Variants in KCNJ6 observed in about 807,000 individuals in gnomAD.
KCNJ6 encodes potassium inwardly rectifying channel subfamily J member 6, also known as G protein-activated inward rectifier potassium channel 2.
KCNJ6 carries 9 observed loss-of-function variants against 34.2 expected under a neutral mutation model. That is an observed-to-expected ratio of 0.26 (90% CI 0.16 to 0.46). The LOEUF (loss-of-function observed/expected upper bound fraction) is 0.46. KCNJ6 is among the 20% of genes least tolerant of loss of function. The pLI, the probability that KCNJ6 is intolerant of heterozygous loss-of-function variation, is 1.00. For missense variants in KCNJ6, 236 were observed against 531.3 expected (o/e 0.44, Z 5.46); for synonymous variants, 196 against 207.1 (o/e 0.95, Z 0.46).
In KCNJ6 at chr21:37,859,516, T is replaced by A. The variant is rs1439745392; in HGVS notation, c.-27-18807A>T. 9.1e-5 allele frequency among the ~76,000 whole-genome samples: 5 copies of A among 55,246 alleles called. 1 individual carries two copies. Among genetic ancestry groups the A allele is most frequent in the African/African-American group, 3.0e-4 (5 of 16,608 alleles). The allele number at this position is 55,246 out of a possible 152,430, so 36.2% of individuals were successfully genotyped here. ...ATATATATATATATATATATATATATATATATATATATATAAAATACTTAA... is the reference window on the plus strand; with the variant it reads ...ATATATATATATATATATATATATAAATATATATATATATAAAATACTTAA... On this transcript the variant is annotated intron_variant, in intron 1 of 3. Coordinates refer to ENST00000609713, the MANE Select transcript of KCNJ6 (RefSeq NM_002240.5).
chr21:37,684,841 G>A (rs1569444996), intron 3 of KCNJ6, among the ~76,000 whole-genome samples: 1 of 152,162 alleles, frequency 6.6e-6, no homozygotes, highest in Non-Finnish European at 1.5e-5. Context: ...AGAAAACAAG[G>A]GAGAATGACT....
intron 2 of KCNJ6, among the ~76,000 whole-genome samples, chr21:37,762,397 CTCG>C (rs2055069990): frequency 6.6e-6 from 1 of 152,088 alleles, no homozygotes; most frequent in South Asian, 2.1e-4. Flanking sequence ...AGGCTTCCTG[CTCG>C]TCATTAGAAA....
chr21:37,729,339 G>C (rs377106808), intron 2 of KCNJ6, among the ~76,000 whole-genome samples: 26 of 151,878 alleles, frequency 1.7e-4, no homozygotes, highest in South Asian at 8.3e-4. Flanking sequence ...CTTTTTGGGG[G>C]GGGGGGCAGG....
chr21:37,897,016 A>C (rs765085778), intron 1 of KCNJ6, among the ~76,000 whole-genome samples: 1 of 152,208 alleles, frequency 6.6e-6, no homozygotes, highest in Non-Finnish European at 1.5e-5. Context: ...CAGAGCCAGG[A>C]GGGCAGCTGG....
At chr21:37,761,887 C>A (rs2055067220) in intron 2 of KCNJ6, among the ~76,000 whole-genome samples, 1 of 152,122 alleles carries the variant, frequency 6.6e-6, no homozygotes, top group African/African-American at 2.4e-5. Flanking sequence ...ACCTGCAACC[C>A]ATGCTCACTG....
chr21:37,699,327 A>G (rs1465656056), intron 3 of KCNJ6, among the ~76,000 whole-genome samples: 1 of 152,080 alleles, frequency 6.6e-6, no homozygotes, highest in Admixed American at 6.5e-5. Flanking sequence ...TTGAGTTTTT[A>G]CCTTTCAAAA....
Position 37,809,743 on chromosome 21 carries a change from G to A in KCNJ6, c.25+30915C>T, listed in dbSNP as rs187593216. Among the ~76,000 whole-genome samples, 129 of 152,254 alleles carry A rather than the reference G, an allele frequency of 8.5e-4. 1 individual carries two copies. Among genetic ancestry groups the A allele is most frequent in the Non-Finnish European group, 1.5e-3 (99 of 68,020 alleles). ...TACTGGTATCTCAGCCTCCCTTGTA[G>A]TAGGTAGACATGAGCATGGTATGTG... On this transcript the variant is annotated intron_variant, in intron 2 of 3. Coordinates refer to ENST00000609713, the MANE Select transcript of KCNJ6 (RefSeq NM_002240.5).
intron 3 of KCNJ6, among the ~76,000 whole-genome samples, chr21:37,625,775 A>T (rs1053914269): frequency 2.0e-5 from 3 of 152,254 alleles, no homozygotes; most frequent in African/African-American, 7.2e-5. Flanking sequence ...AAATGCACAC[A>T]AGTTTTCGCA....
At chr21:37,652,653 G>T (rs747443152) in intron 3 of KCNJ6, among the ~76,000 whole-genome samples, 18 of 152,144 alleles carry the variant, frequency 1.2e-4, no homozygotes, top group Non-Finnish European at 1.9e-4. Flanking sequence ...GAGGTACCCT[G>T]GGACACAGGA....
chr21:37,716,177 TA>T (rs1228928669), intron 2 of KCNJ6, among the ~76,000 whole-genome samples: 1 of 152,170 alleles, frequency 6.6e-6, no homozygotes, highest in African/African-American at 2.4e-5. Flanking sequence ...TTTCAGGGTT[TA>T]AAAAACATTT....
chr21:37,709,102 G>A (rs559386143), intron 3 of KCNJ6, among the ~76,000 whole-genome samples: 61 of 151,904 alleles, frequency 4.0e-4, no homozygotes, highest in African/African-American at 1.4e-3. Context: ...CAATGTCTAC[G>A]TAATTTAAAA....
intron 3 of KCNJ6, among the ~76,000 whole-genome samples, chr21:37,667,972 G>A (rs935136852): frequency 2.6e-5 from 4 of 152,094 alleles, no homozygotes; most frequent in East Asian, 1.9e-4. Flanking sequence ...TCTTAAAAGC[G>A]CAGGGGCCTG....
At chr21:37,863,987 A>G (rs1192741647) in intron 1 of KCNJ6, among the ~76,000 whole-genome samples, 3 of 151,612 alleles carry the variant, frequency 2.0e-5, no homozygotes, top group African/African-American at 4.9e-5. Flanking sequence ...TCAGCTTTTC[A>G]GGCCAATGAG....
intron 3 of KCNJ6, among the ~76,000 whole-genome samples, chr21:37,625,980 C>G (rs2054308942): frequency 6.6e-6 from 1 of 152,134 alleles, no homozygotes; most frequent in Non-Finnish European, 1.5e-5. Flanking sequence ...TCAGTGTTAC[C>G]CTCCCACCTG....
intron 1 of KCNJ6, among the ~76,000 whole-genome samples, chr21:37,907,384 A>T (rs1328951923): frequency 6.6e-6 from 1 of 152,138 alleles, no homozygotes; most frequent in Non-Finnish European, 1.5e-5. Context: ...GTCATAAAGC[A>T]ATGGCCCCAT....
intron 2 of KCNJ6, among the ~76,000 whole-genome samples, chr21:37,791,998 G>C (rs2055219005): frequency 2.0e-5 from 3 of 152,142 alleles, no homozygotes; most frequent in Admixed American, 2.0e-4. Flanking sequence ...TCCTTCAAAC[G>C]AATTGAGCAG....
chr21:37,644,229 C>A (rs910088001), intron 3 of KCNJ6, among the ~76,000 whole-genome samples: 5 of 152,028 alleles, frequency 3.3e-5, no homozygotes, highest in African/African-American at 1.2e-4. Flanking sequence ...TGGTGGAGGG[C>A]AGAGGGTGGA....
At chr21:37,870,207 C>A (rs2055643442) in intron 1 of KCNJ6, among the ~76,000 whole-genome samples, 2 of 147,652 alleles carry the variant, frequency 1.4e-5, no homozygotes, top group South Asian at 2.2e-4. Context: ...GGAGGATTTC[C>A]CACCCACCCC....
At chr21:37,641,479 A>G (rs1003319706) in intron 3 of KCNJ6, among the ~76,000 whole-genome samples, 1 of 152,148 alleles carries the variant, frequency 6.6e-6, no homozygotes, top group African/African-American at 2.4e-5. Flanking sequence ...GGATTATCCT[A>G]TGAGACTGTA....
Sources: gnomAD v4.1 joint callset for allele counts (sites outside exome capture counted in the v4.1 genomes callset) on GRCh38, gnomAD v4.1.1 for gene constraint, MANE v1.5 for transcripts, NCBI Gene and HGNC (gene_info 2026-07-23, HGNC 2026-07-21) for gene names.